Variants in PDE8B observed in about 807,000 individuals in gnomAD.
PDE8B encodes high affinity cAMP-specific and IBMX-insensitive 3',5'-cyclic phosphodiesterase 8B.
PDE8B carries 26 observed loss-of-function variants against 101.3 expected under a neutral mutation model. The ratio of observed to expected loss-of-function variants is 0.26; its 90% CI spans 0.19 to 0.36. The LOEUF (loss-of-function observed/expected upper bound fraction) is 0.36, where lower values mean the gene tolerates loss of function less well. Ranked by LOEUF, PDE8B falls within the 10% of genes least tolerant of loss-of-function variation. The pLI, the probability that PDE8B is intolerant of heterozygous loss-of-function variation, is 1.00. For synonymous variants in PDE8B, 424 were observed against 429.3 expected (o/e 0.99, Z 0.15); for missense variants, 810 against 1,163.1 (o/e 0.70, Z 4.42).
chr5:77,272,643 A>G (rs1428251847), intron 1 of PDE8B, among the ~76,000 whole-genome samples: 1 of 152,206 alleles, frequency 6.6e-6, no homozygotes, highest in Non-Finnish European at 1.5e-5. Flanking sequence ...TGATCTTTAA[A>G]GGACTTAGCA....
the PDE8B span, among the ~76,000 whole-genome samples, chr5:77,093,307 T>G: frequency 1.3e-5 from 2 of 152,342 alleles, no homozygotes; most frequent in Admixed American, 6.5e-5. Flanking sequence ...GAGTCAGTTT[T>G]GGTAGTTTGT....
the PDE8B span, among the ~76,000 whole-genome samples, chr5:77,156,051 A>G: frequency 1.3e-4 from 20 of 152,218 alleles, no homozygotes; most frequent in Non-Finnish European, 2.5e-4. Flanking sequence ...TCATTATGCA[A>G]TTTGGGGGGC....
upstream of PDE8B, among the ~76,000 whole-genome samples, chr5:77,206,259 C>G (rs1414383450): frequency 6.6e-6 from 1 of 152,192 alleles, no homozygotes; most frequent in Non-Finnish European, 1.5e-5. Context: ...CCCCAAACCC[C>G]TGCCTTTGTA....
rs1780702973 is a variant in PDE8B at position 77,349,455 on chromosome 5, C to T, written c.913C>T (p.His305Tyr). The T allele has an allele frequency of 6.2e-7, 1 of 1,614,022 alleles. No homozygotes were observed. The highest frequency in any genetic ancestry group is 8.5e-7 in the Non-Finnish European group (1 of 1,180,028). ...AGCCTTCGAAAGGATGATGGGCTAC[C>T]ACAAAGGTGAGCTCCTGGGAAAAGA... ...NPAFERMMGY[H>Y]KGELLGKELA... Residue 305 changes from histidine (H) to tyrosine (Y), a missense_variant, in exon 8 of 22, where the codon CAC (histidine) becomes TAC (tyrosine). By Grantham distance (83) the His-to-Tyr change is moderately conservative. Transcript: ENST00000264917.
chr5:77,412,168 C>G lies in PDE8B; in HGVS notation c.1645C>G (p.Gln549Glu). ...TINDVPPCIS[Q>E]LLDNEESWDF... ...CAATGATGTTCCCCCTTGTATCTCT[C>G]AATTACTTGATAATGAGGAGAGTTG... Residue 549 changes from glutamine (Q) to glutamate (E), a missense_variant, in exon 16 of 22, where the codon CAA becomes GAA. Gln to Glu is a conservative substitution (Grantham distance 29, BLOSUM62 2). Transcript: ENST00000264917. 6.2e-7 allele frequency: 1 copy of G among 1,613,624 alleles called. No individual in the cohort carries two copies. Among genetic ancestry groups the G allele is most frequent in the South Asian group, 1.1e-5 (1 of 91,068 alleles).
chr5:77,393,939 G>A (rs1316167217), intron 10 of PDE8B, among the ~76,000 whole-genome samples: 1 of 152,164 alleles, frequency 6.6e-6, no homozygotes, highest in Non-Finnish European at 1.5e-5. Context: ...TAAAGTCAAT[G>A]TCAATTCCTC....
intron 1 of PDE8B, among the ~76,000 whole-genome samples, chr5:77,259,099 A>G (rs1432944300): frequency 1.1e-5 from 1 of 87,674 alleles, no homozygotes; most frequent in African/African-American, 4.9e-5. Flanking sequence ...ACACACACGA[A>G]TGTTTCTGCC....
At chr5:77,217,571 C>T (rs1039361204) in intron 1 of PDE8B, among the ~76,000 whole-genome samples, 1 of 151,018 alleles carries the variant, frequency 6.6e-6, no homozygotes, top group African/African-American at 2.4e-5. Context: ...AGGTCTCACT[C>T]TGTCACCAGG....
At chr5:77,306,059 C>T (rs952972151) in intron 1 of PDE8B, among the ~76,000 whole-genome samples, 4 of 152,246 alleles carry the variant, frequency 2.6e-5, no homozygotes, top group South Asian at 4.2e-4. Context: ...CACATGCACA[C>T]GCATGCATAC....
chr5:77,309,353 G>A (rs1772018873), intron 1 of PDE8B, among the ~76,000 whole-genome samples: 1 of 152,168 alleles, frequency 6.6e-6, no homozygotes, highest in Non-Finnish European at 1.5e-5. Context: ...TGCCCTTCTT[G>A]CAGGAATCCT....
intron 20 of PDE8B, among the ~76,000 whole-genome samples, chr5:77,424,838 T>TTTTTTTTTA (rs1457443800): frequency 1.3e-5 from 2 of 151,578 alleles, no homozygotes; most frequent in African/African-American, 4.8e-5. Flanking sequence ...TTTTTGTTTT[T>TTTTTTTTTA]AATGTGAGAC....
At chr5:77,142,699 C>T in the PDE8B span, among the ~76,000 whole-genome samples, 2 of 151,866 alleles carry the variant, frequency 1.3e-5, no homozygotes, top group Non-Finnish European at 2.9e-5. Flanking sequence ...GGATAGATTC[C>T]CAAGCAGGAA....
At chr5:77,216,913 C>A (rs1044340315) in intron 1 of PDE8B, among the ~76,000 whole-genome samples, 2 of 152,222 alleles carry the variant, frequency 1.3e-5, no homozygotes, top group Non-Finnish European at 2.9e-5. Flanking sequence ...AAAGGCTCTT[C>A]GTAACAGGCA....
chr5:77,092,362 T>C, the PDE8B span: 1 of 152,178 alleles, frequency 6.6e-6, no homozygotes, highest in Non-Finnish European at 1.5e-5. Context: ...CTTTTCTTCT[T>C]TGCCCTACAT....
intron 1 of PDE8B, among the ~76,000 whole-genome samples, chr5:77,222,191 G>A (rs564210229): frequency 2.6e-5 from 4 of 152,188 alleles, no homozygotes; most frequent in South Asian, 4.1e-4. Flanking sequence ...CTCCTTGCAC[G>A]GTAGGGATAA....
intron 1 of PDE8B, among the ~76,000 whole-genome samples, chr5:77,256,183 C>A (rs935499753): frequency 6.6e-6 from 1 of 152,076 alleles, no homozygotes; most frequent in African/African-American, 2.4e-5. Context: ...AAACAATATG[C>A]GGGTATACAA....
chr5:77,425,728 G>GAGGA (rs1797941207), intron 20 of PDE8B, 39 bp from the exon 21 acceptor site: 1 of 1,606,684 alleles, frequency 6.2e-7, no homozygotes, highest in African/African-American at 1.3e-5. Flanking sequence ...AAAGTGTCTC[G>GAGGA]CATGTCCTCC....
chr5:77,290,399 T>C (rs1336268736), intron 1 of PDE8B: 11 of 1,393,984 alleles, frequency 7.9e-6, no homozygotes, highest in South Asian at 5.8e-5. Context: ...GTTGCTCTGC[T>C]AACAACTAGC....
the PDE8B span, among the ~76,000 whole-genome samples, chr5:77,110,765 G>C: frequency 1.3e-5 from 2 of 152,178 alleles, no homozygotes; most frequent in African/African-American, 4.8e-5. Context: ...TGGAACCAGA[G>C]AGACTACCGC....
Sources: allele counts gnomAD v4.1 joint callset (sites outside exome capture counted in the v4.1 genomes callset), GRCh38; gene constraint gnomAD v4.1.1; transcripts MANE v1.5; gene names NCBI Gene and HGNC (gene_info 2026-07-23, HGNC 2026-07-21).